SHF: variants seen among roughly 807,000 people sequenced by gnomAD.
SHF encodes Src homology 2 domain containing F.
SHF carries 30 observed loss-of-function variants against 42.4 expected under a neutral mutation model. The observed-to-expected ratio is 0.71, with a 90% CI of 0.53 to 0.96. SHF has a LOEUF of 0.96. SHF is among the 40% of genes least tolerant of loss of function. The pLI is 0.00. For synonymous variants in SHF, 264 were observed against 269.9 expected, an observed-to-expected ratio of 0.98 and a Z score of 0.21; for missense variants, 598 against 634.0, an observed-to-expected ratio of 0.94 and a Z score of 0.61.
chr15:45,198,853 TGGCCCATTAGCCACG>T, exon 2 of SHF: 1 of 1,614,034 alleles, frequency 6.2e-7, no homozygotes, highest in Non-Finnish European at 8.5e-7. Context: ...TCTTCTGTTT[TGGCCCATTAGCCACG>T]GGCTGTGGTG....
intron 1 of SHF, among the ~76,000 whole-genome samples, chr15:45,183,618 G>T (rs10083684): frequency 0.33 from 49,953 of 152,160 alleles, 9,294 homozygotes; most frequent in East Asian, 0.62. Context: ...TATCCTCCAA[G>T]TCCTGGGCCC....
chr15:45,193,911 T>G (rs910754266), intron 2 of SHF, among the ~76,000 whole-genome samples: 3 of 149,426 alleles, frequency 2.0e-5, no homozygotes, highest in African/African-American at 7.4e-5. Flanking sequence ...CCAGCCTAGG[T>G]AACATGGCGA....
At chr15:45,174,517 G>C (rs1176574480) in intron 3 of SHF, 1 of 152,606 alleles carries the variant, frequency 6.6e-6, no homozygotes. Context: ...GCAGGGGAGA[G>C]GGGCATATGC....
Position 45,167,855 on chromosome 15 carries a change from AAAGATCACGTCCCTGGC to A in SHF, c.*75_*91del. ...TGGATCCCAGGAGAAGAAAGGTTTGAAAGATCACGTCCCTGGCAAGAGCCACAGCCCTCAGCCAGGTG... is the reference window on the plus strand; with the variant it reads ...TGGATCCCAGGAGAAGAAAGGTTTGAAAGAGCCACAGCCCTCAGCCAGGTG... On this transcript the variant is annotated 3_prime_UTR_variant, in exon 7 of 7. Transcript: ENST00000690270. 1 of 1,248,146 alleles carries A rather than the reference AAAGATCACGTCCCTGGC, an allele frequency of 8.0e-7. No individual in the cohort carries two copies. Among genetic ancestry groups the A allele is most frequent in the East Asian group, 2.7e-5 (1 of 37,150 alleles). 77.3% of individuals were successfully genotyped at this position (1,248,146 alleles called of 1,614,324 possible). A position where few individuals can be genotyped will look rare whatever the true frequency, so the allele number is the denominator to read the frequency against.
chr15:45,189,590 G>A (rs747551099), upstream of SHF, among the ~76,000 whole-genome samples: 2 of 151,754 alleles, frequency 1.3e-5, no homozygotes, highest in Non-Finnish European at 2.9e-5. Context: ...GAGTTTCACC[G>A]TGTTGGCTAG....
At chr15:45,179,918 A>G (rs1898034995) in intron 1 of SHF, among the ~76,000 whole-genome samples, 1 of 152,132 alleles carries the variant, frequency 6.6e-6, no homozygotes, top group Non-Finnish European at 1.5e-5. Context: ...GCAGAGATGA[A>G]GAAAGGAACC....
chr15:45,181,377 C>T (rs1214017452), intron 1 of SHF, among the ~76,000 whole-genome samples: 1 of 152,252 alleles, frequency 6.6e-6, no homozygotes. Flanking sequence ...CAGGCACCCA[C>T]CCTGGGCATA....
At chr15:45,194,574 A>G (rs754332145) in intron 2 of SHF, among the ~76,000 whole-genome samples, 2 of 151,208 alleles carry the variant, frequency 1.3e-5, no homozygotes, top group Non-Finnish European at 2.9e-5. Context: ...GTGGTCTCAA[A>G]CTCCTGACCT....
At chr15:45,172,115 G>A (rs1301594718) in intron 5 of SHF, 32 bp downstream of exon 5, 1 of 1,613,896 alleles carries the variant, frequency 6.2e-7, no homozygotes, top group African/African-American at 1.3e-5. Flanking sequence ...GAGGAGTGGG[G>A]AGGGAGTCCC....
chr15:45,168,181 C>G, intron 6 of SHF, 48 bp from the exon 7 acceptor site: 1 of 1,496,336 alleles, frequency 6.7e-7, no homozygotes, highest in Non-Finnish European at 9.0e-7. Flanking sequence ...CTCCTCAGCC[C>G]CCTCATCCAT....
chr15:45,179,177 A>G (rs1897990405), intron 1 of SHF, among the ~76,000 whole-genome samples: 1 of 152,258 alleles, frequency 6.6e-6, no homozygotes, highest in African/African-American at 2.4e-5. Flanking sequence ...GATCCTCACA[A>G]CATCCCTGTC....
intron 1 of SHF, among the ~76,000 whole-genome samples, chr15:45,183,099 A>G (rs1898212077): frequency 6.6e-6 from 1 of 152,180 alleles, no homozygotes; most frequent in Non-Finnish European, 1.5e-5. Flanking sequence ...TCCTTCCCTA[A>G]GAGTCTGCTT....
chr15:45,193,436 T>C (rs1289543432), intron 2 of SHF, among the ~76,000 whole-genome samples: 1 of 152,196 alleles, frequency 6.6e-6, no homozygotes, highest in Non-Finnish European at 1.5e-5. Flanking sequence ...AAGTCTCTCA[T>C]TGGCCTTTCA....
rs367601466 is a variant in SHF at position 45,198,750 on chromosome 15, C to A, written c.303+22G>T. On this transcript the variant is annotated intron_variant, in intron 2 of 7. Transcript: ENST00000290894. ...CAGTCATAGGCCTTCCCAGTTTGCGCGTCATTAAATGGCCTACTTACGGGG... is the reference window on the plus strand; with the variant it reads ...CAGTCATAGGCCTTCCCAGTTTGCGAGTCATTAAATGGCCTACTTACGGGG... The A allele has an allele frequency of 6.3e-6, 10 of 1,598,346 alleles. No homozygotes were observed. The African/African-American group carries it at 1.3e-4, about 21-fold the overall frequency.
intron 2 of SHF, among the ~76,000 whole-genome samples, chr15:45,176,102 T>G (rs542415241): frequency 7.2e-5 from 11 of 152,174 alleles, no homozygotes; most frequent in Non-Finnish European, 1.3e-4. Context: ...TTACAGGCAT[T>G]AGCCACCACA....
rs115863145 is a variant in SHF, at chr15:45,174,750, A to G, written c.847+469T>C. Among the ~76,000 whole-genome samples, 746 of 152,064 alleles carry G rather than the reference A, an allele frequency of 4.9e-3. 9 individuals are homozygous for G. Among genetic ancestry groups the G allele is most frequent in the African/African-American group, 0.017 (711 of 41,456 alleles). The stretch of plus-strand genomic sequence containing the variant: ...CACAGCCTCACTCTGCTCCTCAGAA[A>G]TCTCCTTGGGGCCAGACACCCCTGG... On this transcript the variant is annotated intron_variant, in intron 3 of 6. Transcript: ENST00000690270.
chr15:45,178,337 C>T (rs373995518), intron 1 of SHF, 31 bp from the exon 2 acceptor site: 4 of 1,602,356 alleles, frequency 2.5e-6, no homozygotes, highest in Non-Finnish European at 3.4e-6. Context: ...GAGTGGGCTT[C>T]AGGGAGCAGA....
chr15:45,196,394 GA>G (rs887370595), intron 2 of SHF, among the ~76,000 whole-genome samples: 4 of 152,114 alleles, frequency 2.6e-5, no homozygotes, highest in Non-Finnish European at 5.9e-5. Context: ...GTGCCTGGCT[GA>G]CTTCCTCTGA....
At chr15:45,198,542 T>C (rs1898944431) in intron 2 of SHF, 2 of 515,890 alleles carry the variant, frequency 3.9e-6, no homozygotes, top group Non-Finnish European at 3.3e-6. Context: ...TTACGATTTA[T>C]ATAAAATGTT....
Sources: gnomAD v4.1 joint callset for allele counts (sites outside exome capture counted in the v4.1 genomes callset) on GRCh38, gnomAD v4.1.1 for gene constraint, MANE v1.5 for transcripts, NCBI Gene and HGNC (gene_info 2026-07-23, HGNC 2026-07-21) for gene names.